KHDRBS2: variants seen among roughly 807,000 people sequenced by gnomAD.
KHDRBS2 encodes KH domain-containing, RNA-binding, signal transduction-associated protein 2.
A neutral mutation model predicts 44.3 loss-of-function variants in KHDRBS2; 26 were observed. That is an observed-to-expected ratio of 0.59 (90% CI 0.43 to 0.81). The LOEUF (loss-of-function observed/expected upper bound fraction) is 0.81, where lower values mean the gene tolerates loss of function less well. Ranked by LOEUF, KHDRBS2 falls within the 40% of genes least tolerant of loss-of-function variation. The probability of loss-of-function intolerance (pLI) is 0.00; values close to 1 mark genes in which losing one functional copy is unlikely to be tolerated. For missense variants in KHDRBS2, 476 were observed against 433.1 expected, an observed-to-expected ratio of 1.10 and a Z score of -0.88; for synonymous variants, 194 against 151.1, an observed-to-expected ratio of 1.28 and a Z score of -2.08.
At chr6:61,582,010 A>G in the KHDRBS2 span, among the ~76,000 whole-genome samples, 1 of 151,886 alleles carries the variant, frequency 6.6e-6, no homozygotes, top group Non-Finnish European at 1.5e-5. Context: ...AAAAAGAAAT[A>G]AAAAGGAATC....
intron 8 of KHDRBS2, among the ~76,000 whole-genome samples, chr6:61,689,712 G>A (rs754148618): frequency 1.3e-5 from 2 of 151,982 alleles, no homozygotes; most frequent in Non-Finnish European, 2.9e-5. Context: ...AAACTTCAGA[G>A]AGACTGATCT....
chr6:62,132,606 G>T lies in KHDRBS2; in HGVS notation c.219+44579C>A, dbSNP rs188951108. On this transcript the variant is annotated intron_variant, in intron 2 of 8. Coordinates refer to ENST00000281156, the MANE Select transcript of KHDRBS2 (RefSeq NM_152688.4). ...TATCTGGAACAAAACAAAATATACTGATGAGGGTTTTTCTATGGTTTTAGG... is the reference window on the plus strand; with the variant it reads ...TATCTGGAACAAAACAAAATATACTTATGAGGGTTTTTCTATGGTTTTAGG... Among the ~76,000 whole-genome samples the T allele has an allele frequency of 1.8e-3, 274 of 152,282 alleles. 9 individuals carry two copies. The South Asian group carries it at 0.052, about 29-fold the overall frequency.
At chr6:61,956,741 C>A (rs1767419492) in intron 4 of KHDRBS2, among the ~76,000 whole-genome samples, 1 of 152,194 alleles carries the variant, frequency 6.6e-6, no homozygotes, top group Admixed American at 6.6e-5. Flanking sequence ...GGCTTCTCCA[C>A]ATACCAAGCT....
At chr6:61,703,330 C>G (rs182490345) in intron 7 of KHDRBS2, among the ~76,000 whole-genome samples, 1 of 151,648 alleles carries the variant, frequency 6.6e-6, no homozygotes, top group Non-Finnish European at 1.5e-5. Flanking sequence ...GGTTTAAACA[C>G]GAGCTTTTGA....
At chr6:62,172,079 A>G (rs1185295529) in intron 2 of KHDRBS2, among the ~76,000 whole-genome samples, 1 of 152,134 alleles carries the variant, frequency 6.6e-6, no homozygotes, top group Non-Finnish European at 1.5e-5. Context: ...ACATATCCAA[A>G]CTAACCTTGA....
chr6:62,116,506 A>G (rs924026670), intron 2 of KHDRBS2, among the ~76,000 whole-genome samples: 1 of 152,246 alleles, frequency 6.6e-6, no homozygotes, highest in South Asian at 2.1e-4. Context: ...GTACATATTT[A>G]TGGGGTACAT....
chr6:61,726,112 G>C (rs1354224228), intron 7 of KHDRBS2, among the ~76,000 whole-genome samples: 4 of 152,048 alleles, frequency 2.6e-5, no homozygotes, highest in Non-Finnish European at 5.9e-5. Context: ...GATCCAGTTG[G>C]CTCCATCCCC....
the KHDRBS2 span, among the ~76,000 whole-genome samples, chr6:61,615,399 T>C: frequency 6.6e-6 from 1 of 152,184 alleles, no homozygotes; most frequent in Non-Finnish European, 1.5e-5. Context: ...GAACCTTTTC[T>C]GTTCTTTGCT....
intron 3 of KHDRBS2, among the ~76,000 whole-genome samples, chr6:62,040,022 C>A (rs772664829): frequency 6.6e-6 from 1 of 152,020 alleles, no homozygotes; most frequent in Admixed American, 6.6e-5. Context: ...TAAACTAGAG[C>A]TTTCTATTTT....
At chr6:61,901,463 A>G (rs1366445515) in intron 4 of KHDRBS2, 92 bp from the exon 5 acceptor site, 2 of 993,622 alleles carry the variant, frequency 2.0e-6, no homozygotes, top group Non-Finnish European at 2.9e-6. Flanking sequence ...AAAACGCAAT[A>G]GGAAATAATT....
the KHDRBS2 span, among the ~76,000 whole-genome samples, chr6:61,568,455 C>G: frequency 1.3e-5 from 2 of 152,092 alleles, no homozygotes; most frequent in Non-Finnish European, 2.9e-5. Context: ...ATGAACAGAA[C>G]AGCATGTGGA....
intron 7 of KHDRBS2, among the ~76,000 whole-genome samples, chr6:61,703,665 C>T (rs1208011524): frequency 6.6e-6 from 1 of 151,778 alleles, no homozygotes; most frequent in South Asian, 2.1e-4. Context: ...CCTAAAGCTC[C>T]AAGAAAGTGC....
At chr6:61,867,098 C>A (rs967032919) in intron 6 of KHDRBS2, among the ~76,000 whole-genome samples, 6 of 152,138 alleles carry the variant, frequency 3.9e-5, no homozygotes, top group African/African-American at 1.2e-4. Context: ...TCTACTGGTA[C>A]CAATTTACTG....
intron 4 of KHDRBS2, among the ~76,000 whole-genome samples, chr6:61,902,232 A>G (rs1216498229): frequency 3.3e-5 from 5 of 152,200 alleles, no homozygotes; most frequent in Admixed American, 6.5e-5. Context: ...TACAGGCATG[A>G]GCCATCGTGT....
At chr6:61,553,371 C>T in the KHDRBS2 span, among the ~76,000 whole-genome samples, 1 of 151,830 alleles carries the variant, frequency 6.6e-6, no homozygotes, top group African/African-American at 2.4e-5. Flanking sequence ...TTCTGATTGA[C>T]TTTATTCTTA....
At chr6:61,600,589 C>T in the KHDRBS2 span, among the ~76,000 whole-genome samples, 1 of 152,168 alleles carries the variant, frequency 6.6e-6, no homozygotes, top group African/African-American at 2.4e-5. Flanking sequence ...AGCTTTACTG[C>T]TCACACAAAG....
At chr6:62,208,713 T>A (rs1828481609) in intron 1 of KHDRBS2, among the ~76,000 whole-genome samples, 1 of 152,182 alleles carries the variant, frequency 6.6e-6, no homozygotes. Context: ...ATACTAGGAT[T>A]CACTTTTATC....
the KHDRBS2 span, among the ~76,000 whole-genome samples, chr6:61,611,627 T>C: frequency 6.6e-6 from 1 of 152,236 alleles, no homozygotes; most frequent in Admixed American, 6.5e-5. Context: ...GTGAGTCCTA[T>C]ATACAATCAT....
intron 2 of KHDRBS2, among the ~76,000 whole-genome samples, chr6:62,063,981 C>A (rs1792810995): frequency 6.7e-6 from 1 of 148,660 alleles, no homozygotes; most frequent in Admixed American, 6.9e-5. Context: ...TCTTATACAC[C>A]AACAACAGAC....
Sources: allele counts gnomAD v4.1 joint callset (sites outside exome capture counted in the v4.1 genomes callset), GRCh38; gene constraint gnomAD v4.1.1; transcripts MANE v1.5; gene names NCBI Gene and HGNC (gene_info 2026-07-23, HGNC 2026-07-21).